Variants in TMEM132B observed in about 807,000 individuals in gnomAD.
TMEM132B encodes transmembrane protein 132B.
In TMEM132B, 18 loss-of-function variants were observed where a neutral mutation model predicts 90.8. The observed-to-expected ratio is 0.20, with a 90% CI of 0.14 to 0.29. TMEM132B has a LOEUF of 0.29. Among genes scored for constraint, TMEM132B ranks in the 10% least tolerant of loss-of-function variants. The pLI, the probability that TMEM132B is intolerant of heterozygous loss-of-function variation, is 1.00. For missense variants in TMEM132B, 1,096 were observed against 1,326.8 expected (o/e 0.83, Z 2.70); for synonymous variants, 504 against 523.3 (o/e 0.96, Z 0.50).
chr12:125,231,208 CGTGTGT>C (rs140099684), intron 1 of TMEM132B, among the ~76,000 whole-genome samples: 10 of 146,526 alleles, frequency 6.8e-5, no homozygotes, highest in African/African-American at 1.8e-4. Flanking sequence ...GGCTGTCTTC[CGTGTGT>C]GTGTGTGTGT....
rs1024192423 is a variant in TMEM132B, at chr12:125,458,544, C to T, written c.1106+42867C>T. Among the ~76,000 whole-genome samples the T allele has an allele frequency of 1.3e-5, 2 of 152,120 alleles. No homozygotes were observed. The highest frequency in any genetic ancestry group is 2.9e-5 in the Non-Finnish European group (2 of 68,018). On this transcript the variant is annotated intron_variant, in intron 3 of 8. Transcript: ENST00000682704. The surrounding 1 kb of genome is among the most constrained non-coding windows in gnomAD (Gnocchi z 4.9). Reference sequence around the variant, plus strand: ...GCTGAGGGCTGCACAATTCTCAGAGCTCCCTCAGGGCTGGGGGATGGTTAT... The same window carrying T: ...GCTGAGGGCTGCACAATTCTCAGAGTTCCCTCAGGGCTGGGGGATGGTTAT...
intron 5 of TMEM132B, among the ~76,000 whole-genome samples, chr12:125,599,347 TC>T (rs1441985150): frequency 2.6e-5 from 4 of 152,224 alleles, no homozygotes; most frequent in African/African-American, 9.6e-5. Context: ...AACCTCTTTT[TC>T]TTTATAAATT....
intron 5 of TMEM132B, among the ~76,000 whole-genome samples, chr12:125,598,374 C>T (rs1304982841): frequency 6.6e-6 from 1 of 152,128 alleles, no homozygotes; most frequent in Non-Finnish European, 1.5e-5. Context: ...CTGCCCCAAT[C>T]CACAAAAGTT....
intron 3 of TMEM132B, among the ~76,000 whole-genome samples, chr12:125,515,127 C>T (rs940646089): frequency 3.9e-5 from 6 of 152,194 alleles, no homozygotes; most frequent in African/African-American, 1.4e-4. Flanking sequence ...TCCTAACACA[C>T]GCAGACACAC....
In TMEM132B at chr12:125,349,800, C is replaced by T; in HGVS notation, c.416C>T (p.Pro139Leu). The part of the protein sequence containing the change: ...ILDSSIYSNR[P>L]KVQTLFYVTG... The stretch of plus-strand genomic sequence containing the variant: ...GACAGCTCCATCTACTCCAACAGAC[C>T]CAAAGTGCAGACCTTGTTTTATGTC... The change falls in exon 2 of 9, where the codon CCC becomes CTC. Residue 139 changes from proline to leucine, a missense_variant. By Grantham distance (98) the Pro-to-Leu change is moderately conservative. Transcript: ENST00000682704. This position sits in a 1 kb window ranked among gnomAD's most constrained non-coding sequence, Gnocchi z 4.1. The T allele has an allele frequency of 6.2e-7, 1 of 1,614,204 alleles. No homozygotes were observed. Among genetic ancestry groups the T allele is most frequent in the Non-Finnish European group, 8.5e-7 (1 of 1,180,038 alleles).
At chr12:125,399,635 G>A (rs1054248613) in intron 2 of TMEM132B, among the ~76,000 whole-genome samples, 23 of 152,036 alleles carry the variant, frequency 1.5e-4, no homozygotes, top group Admixed American at 7.2e-4. Context: ...CTGTGAGAGC[G>A]TAAGTTTCTC....
intron 5 of TMEM132B, among the ~76,000 whole-genome samples, chr12:125,641,951 C>G (rs1767450835): frequency 6.6e-6 from 1 of 152,170 alleles, no homozygotes; most frequent in Admixed American, 6.5e-5. Flanking sequence ...GAGCAGAACT[C>G]CCCAATGTAT....
At chr12:125,527,649 C>T (rs1467173401) in intron 4 of TMEM132B, among the ~76,000 whole-genome samples, 3 of 150,120 alleles carry the variant, frequency 2.0e-5, no homozygotes, top group Non-Finnish European at 4.4e-5. Flanking sequence ...TCCACCCATC[C>T]ACCCATTTAC....
intron 2 of TMEM132B, among the ~76,000 whole-genome samples, chr12:125,402,658 C>G (rs1188120973): frequency 6.6e-6 from 1 of 152,198 alleles, no homozygotes; most frequent in Non-Finnish European, 1.5e-5. Context: ...ATCAAGATGG[C>G]AGAGATGTTG....
At chr12:125,555,428 A>G (rs1422815282) in intron 4 of TMEM132B, among the ~76,000 whole-genome samples, 2 of 151,840 alleles carry the variant, frequency 1.3e-5, no homozygotes, top group Non-Finnish European at 2.9e-5. Context: ...TCTGGAAAAA[A>G]AAAAGAGTGC....
intron 1 of TMEM132B, among the ~76,000 whole-genome samples, chr12:125,298,257 C>CAACAA (rs1875719895): frequency 6.6e-6 from 1 of 151,504 alleles, no homozygotes. Flanking sequence ...CTCCAAAACA[C>CAACAA]AACAAAACAA....
chr12:125,579,831 CT>C (rs1344843631), intron 4 of TMEM132B, among the ~76,000 whole-genome samples: 20 of 152,036 alleles, frequency 1.3e-4, no homozygotes, highest in Non-Finnish European at 1.3e-4. Flanking sequence ...TATTTTCTTG[CT>C]TTTTTGCATG....
intron 2 of TMEM132B, among the ~76,000 whole-genome samples, chr12:125,411,928 T>G (rs1879858407): frequency 6.6e-6 from 1 of 152,190 alleles, no homozygotes; most frequent in Non-Finnish European, 1.5e-5. Flanking sequence ...AATGGTCAAC[T>G]TGTCTCAAGT....
intron 5 of TMEM132B, among the ~76,000 whole-genome samples, chr12:125,598,036 C>T (rs373867583): frequency 3.2e-4 from 49 of 151,984 alleles, no homozygotes; most frequent in African/African-American, 8.2e-4. Context: ...GGGAGGATTA[C>T]GGAGATTAAG....
chr12:125,483,538 G>A (rs1882116016), intron 3 of TMEM132B, among the ~76,000 whole-genome samples: 2 of 152,174 alleles, frequency 1.3e-5, no homozygotes, highest in Admixed American at 6.5e-5. Context: ...AGGTAATTTG[G>A]TATCTGTCTT....
chr12:125,633,381 G>A (rs1316378700), intron 5 of TMEM132B, among the ~76,000 whole-genome samples: 1 of 152,188 alleles, frequency 6.6e-6, no homozygotes. Context: ...TGAATTCTGT[G>A]TCTGAATGGT....
At chr12:125,598,747 A>G (rs1885503482) in intron 5 of TMEM132B, among the ~76,000 whole-genome samples, 1 of 152,148 alleles carries the variant, frequency 6.6e-6, no homozygotes, top group Non-Finnish European at 1.5e-5. Flanking sequence ...GGGGCTGAGC[A>G]TTGCGCCTCA....
intron 4 of TMEM132B, among the ~76,000 whole-genome samples, chr12:125,565,297 C>T (rs1422874672): frequency 1.3e-5 from 2 of 152,130 alleles, no homozygotes; most frequent in Admixed American, 6.5e-5. Context: ...CATGCATGCT[C>T]AAACCCTGTG....
At chr12:125,390,094 T>C (rs994373632) in intron 2 of TMEM132B, among the ~76,000 whole-genome samples, 2 of 152,224 alleles carry the variant, frequency 1.3e-5, no homozygotes, top group African/African-American at 4.8e-5. Context: ...TAGTACCATT[T>C]GGAATATACA....
Sources: gnomAD v4.1 joint callset for allele counts (sites outside exome capture counted in the v4.1 genomes callset) on GRCh38, gnomAD v4.1.1 for gene constraint, Gnocchi (gnomAD v3.1) non-coding constraint, MANE v1.5 for transcripts, NCBI Gene and HGNC (gene_info 2026-07-23, HGNC 2026-07-21) for gene names.